The following RYR2 variants were observed in gnomAD, a reference collection of about 807,000 sequenced individuals.
RYR2 encodes ryanodine receptor 2, also known as cardiac muscle ryanodine receptor-calcium release channel.
A neutral mutation model predicts 601.1 loss-of-function variants in RYR2; 227 were observed. That is an observed-to-expected ratio of 0.38 (90% CI 0.34 to 0.42). The LOEUF (loss-of-function observed/expected upper bound fraction) is 0.42, where lower values mean the gene tolerates loss of function less well. RYR2 is among the 10% of genes least tolerant of loss of function. The probability of loss-of-function intolerance (pLI) is 1.00; values close to 1 mark genes in which losing one functional copy is unlikely to be tolerated. For synonymous variants in RYR2, 2,223 were observed against 2,175.1 expected (o/e 1.02, Z -0.61); for missense variants, 4,646 against 6,156.5 (o/e 0.75, Z 8.21).
intron 73 of RYR2, among the ~76,000 whole-genome samples, chr1:237,720,822 T>C (rs917405679): frequency 6.6e-6 from 1 of 152,210 alleles, no homozygotes. Flanking sequence ...GTTATGATTA[T>C]AAGCAGAAAG....
At chr1:237,735,231 A>C (rs997080595) in intron 79 of RYR2, among the ~76,000 whole-genome samples, 1 of 152,212 alleles carries the variant, frequency 6.6e-6, no homozygotes, top group African/African-American at 2.4e-5. Flanking sequence ...GAGTGGGGAC[A>C]TGCTGTAGTG....
intron 80 of RYR2, among the ~76,000 whole-genome samples, chr1:237,744,719 T>C (rs78421067): frequency 6.8e-6 from 1 of 146,242 alleles, no homozygotes. Context: ...CTTCTTTTTT[T>C]AAAAAAAAAA....
chr1:237,465,125 C>T (rs988872309), intron 16 of RYR2, among the ~76,000 whole-genome samples: 6 of 151,634 alleles, frequency 4.0e-5, no homozygotes, highest in Admixed American at 1.3e-4. Context: ...CATGCATGCA[C>T]GATGTTCAGG....
chr1:237,300,495 A>T (rs1693241675), intron 2 of RYR2, among the ~76,000 whole-genome samples: 1 of 152,182 alleles, frequency 6.6e-6, no homozygotes, highest in Admixed American at 6.5e-5. Flanking sequence ...CTTAGTTCTG[A>T]AAATGGGAGA....
intron 4 of RYR2, among the ~76,000 whole-genome samples, chr1:237,356,481 CT>C (rs1348640402): frequency 6.7e-6 from 1 of 149,998 alleles, no homozygotes; most frequent in Non-Finnish European, 1.5e-5. Flanking sequence ...CCAGGCTGGT[CT>C]TGAACTCCTG....
At chr1:237,541,108 G>T (rs757623222) in intron 25 of RYR2, among the ~76,000 whole-genome samples, 1 of 152,148 alleles carries the variant, frequency 6.6e-6, no homozygotes, top group Non-Finnish European at 1.5e-5. Flanking sequence ...TTTCTGTAAA[G>T]ATGAGGCACT....
rs577243070 is a variant in RYR2, at chr1:237,735,544, G to A, written c.11091+1788G>A. On this transcript the variant is annotated intron_variant, in intron 79 of 104. Transcript: ENST00000366574. ...ACAGGTTACAGGACATAAGGGAAAA[G>A]CCATGGCTTTCTAATTTATTTTAAA... is the stretch of plus-strand genomic sequence containing the variant. Among the ~76,000 whole-genome samples the A allele has an allele frequency of 2.6e-5, 4 of 152,238 alleles. No individual in the cohort carries two copies. In the East Asian group the frequency reaches 7.7e-4, roughly 29 times the overall value.
At chr1:237,623,359 G>GTTTCTTTCTTTCTTTGTTTCTTTCTTTC (rs35848815) in intron 38 of RYR2, among the ~76,000 whole-genome samples, 1 of 48,938 alleles carries the variant, frequency 2.0e-5, no homozygotes, top group Non-Finnish European at 4.7e-5. Context: ...GCCTTTCTTT[G>GTTTCTTTCTTTCTTTGTTTCTTTCTTTC]TTTCTTTCTT....
At chr1:237,687,647 C>G in intron 63 of RYR2, 143 bp downstream of exon 63, 2 of 679,532 alleles carry the variant, frequency 2.9e-6, no homozygotes, top group Non-Finnish European at 5.3e-6. Flanking sequence ...AGATAAGGTC[C>G]TCGAGGTTGT....
At chr1:237,481,834 A>C (rs1033674986) in intron 17 of RYR2, among the ~76,000 whole-genome samples, 2 of 138,128 alleles carry the variant, frequency 1.4e-5, no homozygotes, top group South Asian at 2.3e-4. Flanking sequence ...AAAAAAAAAA[A>C]ACCACCTCCC....
intron 10 of RYR2, among the ~76,000 whole-genome samples, chr1:237,410,784 C>G (rs2149997369): frequency 6.6e-6 from 1 of 152,100 alleles, no homozygotes; most frequent in Admixed American, 6.5e-5. Context: ...ACAGTGGATC[C>G]CTGTGCTGGA....
rs567957010 is a variant in RYR2 at position 237,416,078 on chromosome 1, CAAT to C, written c.774-969_774-967del. ...AATGGTGTTAGAAAAACTTTCAAGA[CAAT>C]AGGAGTTTCCACAGTGTTAAAAAGA... On this transcript the variant is annotated intron_variant, in intron 10 of 104. Transcript: ENST00000366574. Among the ~76,000 whole-genome samples the C allele has an allele frequency of 1.1e-3, 172 of 152,122 alleles. 2 individuals are homozygous for C. Among genetic ancestry groups the C allele is most frequent in the African/African-American group, 3.6e-3 (149 of 41,510 alleles).
chr1:237,723,299 G>A, intron 74 of RYR2, 37 bp downstream of exon 74: 1 of 1,559,696 alleles, frequency 6.4e-7, no homozygotes, highest in Non-Finnish European at 8.8e-7. Flanking sequence ...ATTTGCCTTA[G>A]CCACATACAA....
intron 63 of RYR2, among the ~76,000 whole-genome samples, chr1:237,695,161 C>A (rs1243260910): frequency 6.6e-6 from 1 of 151,910 alleles, no homozygotes; most frequent in African/African-American, 2.4e-5. Context: ...GATTAATATG[C>A]AAAAATTATT....
intron 84 of RYR2, among the ~76,000 whole-genome samples, chr1:237,769,389 A>G (rs1161742838): frequency 1.3e-5 from 2 of 152,132 alleles, no homozygotes; most frequent in East Asian, 3.9e-4. Flanking sequence ...CAATTATGGG[A>G]GATTCAACAC....
intron 2 of RYR2, among the ~76,000 whole-genome samples, chr1:237,323,513 T>G (rs997767600): frequency 1.3e-5 from 2 of 152,150 alleles, no homozygotes; most frequent in Admixed American, 6.5e-5. Flanking sequence ...CACTGACACG[T>G]CTGAGTCATT....
intron 29 of RYR2, among the ~76,000 whole-genome samples, chr1:237,574,677 C>A (rs1204808053): frequency 6.6e-6 from 1 of 152,082 alleles, no homozygotes; most frequent in Non-Finnish European, 1.5e-5. Context: ...TGATGGTAAC[C>A]TGCAGGCTGC....
intron 10 of RYR2, among the ~76,000 whole-genome samples, chr1:237,407,603 GTGGT>G (rs1284538313): frequency 2.4e-5 from 2 of 81,750 alleles, no homozygotes; most frequent in Non-Finnish European, 4.7e-5. Context: ...TTTTTAAATT[GTGGT>G]TGTTTTTTTT....
intron 16 of RYR2, among the ~76,000 whole-genome samples, chr1:237,464,046 C>T (rs548170542): frequency 2.6e-5 from 4 of 152,272 alleles, no homozygotes; most frequent in South Asian, 2.1e-4. Context: ...ATATTTATCA[C>T]GTAATACATG....
Sources: allele counts gnomAD v4.1 joint callset (sites outside exome capture counted in the v4.1 genomes callset), GRCh38; gene constraint gnomAD v4.1.1; transcripts MANE v1.5; gene names NCBI Gene and HGNC (gene_info 2026-07-23, HGNC 2026-07-21).